The following CCDC138 variants were observed in gnomAD, a reference collection of about 807,000 sequenced individuals.
CCDC138 encodes the protein coiled-coil domain containing 138, also known as coiled-coil domain-containing protein 138.
A neutral mutation model predicts 82.3 loss-of-function variants in CCDC138; 66 were observed. The observed-to-expected ratio is 0.80, with a 90% CI of 0.66 to 0.98. CCDC138 has a LOEUF of 0.98. Ranked by LOEUF, CCDC138 falls within the 50% of genes least tolerant of loss-of-function variation. CCDC138 has a pLI of 0.00. For missense variants in CCDC138, 816 were observed against 758.9 expected, an observed-to-expected ratio of 1.08 and a Z score of -0.88; for synonymous variants, 297 against 265.4, an observed-to-expected ratio of 1.12 and a Z score of -1.16.
intron 10 of CCDC138, among the ~76,000 whole-genome samples, chr2:108,820,878 A>C (rs934274607): frequency 6.6e-6 from 1 of 152,220 alleles, no homozygotes; most frequent in Non-Finnish European, 1.5e-5. Context: ...ACTACACAGC[A>C]ACATGAAGCC....
intron 6 of CCDC138, among the ~76,000 whole-genome samples, chr2:108,799,750 C>T (rs1282448385): frequency 6.6e-6 from 1 of 152,134 alleles, no homozygotes; most frequent in Admixed American, 6.5e-5. Context: ...TCTCTTGGAT[C>T]TCCAGTGACT....
At chr2:108,811,466 G>A (rs1024555926) in intron 7 of CCDC138, among the ~76,000 whole-genome samples, 4 of 151,814 alleles carry the variant, frequency 2.6e-5, no homozygotes, top group African/African-American at 7.3e-5. Flanking sequence ...GGCTGGTCTT[G>A]AACTGGGCTC....
intron 10 of CCDC138, among the ~76,000 whole-genome samples, chr2:108,817,966 G>C (rs773427887): frequency 6.6e-6 from 1 of 152,112 alleles, no homozygotes; most frequent in Non-Finnish European, 1.5e-5. Context: ...CTGCCAATTA[G>C]GAAGGCCTGC....
At chr2:108,829,476 T>G (rs1306449510) in intron 10 of CCDC138, among the ~76,000 whole-genome samples, 1 of 151,880 alleles carries the variant, frequency 6.6e-6, no homozygotes, top group African/African-American at 2.4e-5. Context: ...ATAAACATGG[T>G]GGCCCATGCC....
At chr2:108,794,799 A>T (rs201275812) in intron 5 of CCDC138, 78 bp downstream of exon 5, 1 of 531,036 alleles carries the variant, frequency 1.9e-6, no homozygotes, top group Non-Finnish European at 2.9e-6. Flanking sequence ...TTTGAATATA[A>T]TATATTTCAT....
intron 10 of CCDC138, among the ~76,000 whole-genome samples, chr2:108,834,005 C>T (rs2150327390): frequency 6.6e-6 from 1 of 150,884 alleles, no homozygotes; most frequent in African/African-American, 2.4e-5. Context: ...CTCGGCCTCC[C>T]AAAGTGCTGG....
chr2:108,868,801 GA>G (rs1161818425), intron 13 of CCDC138, among the ~76,000 whole-genome samples: 1 of 151,674 alleles, frequency 6.6e-6, no homozygotes, highest in Non-Finnish European at 1.5e-5. Context: ...AAAACTTGAA[GA>G]AAAAAAAGCT....
chr2:108,805,942 C>T (rs940965096), intron 7 of CCDC138, among the ~76,000 whole-genome samples: 4 of 151,952 alleles, frequency 2.6e-5, no homozygotes, highest in East Asian at 1.9e-4. Context: ...GAGTAAACCC[C>T]GTCACTTTGA....
At chr2:108,790,896 C>T (rs544718014) in intron 3 of CCDC138, among the ~76,000 whole-genome samples, 9 of 152,060 alleles carry the variant, frequency 5.9e-5, no homozygotes, top group Admixed American at 6.5e-5. Context: ...GGACTACAGA[C>T]GTGCACCACT....
chr2:108,792,522 A>G (rs1289244971), intron 4 of CCDC138, among the ~76,000 whole-genome samples: 1 of 152,224 alleles, frequency 6.6e-6, no homozygotes, highest in Non-Finnish European at 1.5e-5. Flanking sequence ...AAAGTAGACA[A>G]AATTAAGAAA....
At chr2:108,877,318 A>G (rs1443828387), downstream of CCDC138, among the ~76,000 whole-genome samples, 1 of 151,910 alleles carries the variant, frequency 6.6e-6, no homozygotes, top group Non-Finnish European at 1.5e-5. Context: ...AAAAAACAGA[A>G]TTAGCCAGGC....
chr2:108,802,137 TTAAAG>T (rs1359130837), intron 6 of CCDC138, among the ~76,000 whole-genome samples: 5 of 145,844 alleles, frequency 3.4e-5, no homozygotes, highest in Non-Finnish European at 7.5e-5. Context: ...CATATGAACT[TTAAAG>T]TAGGTTTTTC....
intron 10 of CCDC138, 112 bp downstream of exon 10, chr2:108,816,217 G>A (rs749263383): frequency 1.5e-5 from 11 of 746,794 alleles, no homozygotes; most frequent in Admixed American, 2.9e-5. Context: ...TTGGGAGTTC[G>A]AGCTGGGCAG....
intron 4 of CCDC138, among the ~76,000 whole-genome samples, chr2:108,792,041 A>G (rs1679993778): frequency 6.6e-6 from 1 of 152,238 alleles, no homozygotes; most frequent in Admixed American, 6.5e-5. Context: ...AAATAAGTTA[A>G]TAACTGAGTA....
At chr2:108,815,471 T>TG (rs1258747911) in intron 9 of CCDC138, among the ~76,000 whole-genome samples, 11 of 137,954 alleles carry the variant, frequency 8.0e-5, no homozygotes, top group Admixed American at 2.9e-4. Context: ...GTTTTTTTTT[T>TG]TTTTTTTTTT....
chr2:108,839,016 A>G (rs1312130492), intron 10 of CCDC138, 169 bp from the exon 11 acceptor site: 1 of 241,628 alleles, frequency 4.1e-6, no homozygotes, highest in African/African-American at 2.3e-5. Flanking sequence ...GAACTAAAAT[A>G]CATATTGCCA....
chr2:108,797,794 T>A (rs1681150519), intron 5 of CCDC138, among the ~76,000 whole-genome samples: 1 of 152,094 alleles, frequency 6.6e-6, no homozygotes. Context: ...ATATAGGACA[T>A]GATGTATTCC....
Position 108,798,489 on chromosome 2 carries a change from T to A in CCDC138, c.638T>A (p.Leu213His). 1 of 1,614,022 alleles carries A rather than the reference T, an allele frequency of 6.2e-7. No individual in the cohort carries two copies. The highest frequency in any genetic ancestry group is 1.1e-5 in the South Asian group (1 of 91,062). The change falls in exon 6 of 15, where the codon CTT (leucine) becomes CAT (histidine). Residue 213 changes from leucine to histidine, a missense_variant. Physicochemically the swap from Leu to His is moderately conservative, Grantham distance 99. Transcript: ENST00000295124. ...EELQKRERFL[L>H]EREQLLFRHE... ...CTTCAAAAGCGAGAACGTTTTTTAC[T>A]TGAAAGAGAACAACTGCTTTTCAGA...
At chr2:108,842,562 T>G (rs1265684316) in intron 11 of CCDC138, among the ~76,000 whole-genome samples, 1 of 151,966 alleles carries the variant, frequency 6.6e-6, no homozygotes, top group Non-Finnish European at 1.5e-5. Context: ...TTCTAGGAGG[T>G]AGTCACTGTG....
Sources: allele counts gnomAD v4.1 joint callset (sites outside exome capture counted in the v4.1 genomes callset), GRCh38; gene constraint gnomAD v4.1.1; transcripts MANE v1.5; gene names NCBI Gene and HGNC (gene_info 2026-07-23, HGNC 2026-07-21).